Variants in ADCY2 observed in about 807,000 individuals in gnomAD.
The protein encoded by ADCY2 is adenylate cyclase type 2.
ADCY2 carries 31 observed loss-of-function variants against 125.2 expected under a neutral mutation model. That is an observed-to-expected ratio of 0.25 (90% CI 0.19 to 0.33). The LOEUF (loss-of-function observed/expected upper bound fraction) is 0.33. Among genes scored for constraint, ADCY2 ranks in the 10% least tolerant of loss-of-function variants. The probability of loss-of-function intolerance (pLI) is 1.00; values close to 1 mark genes in which losing one functional copy is unlikely to be tolerated. For missense variants in ADCY2, 904 were observed against 1,418.2 expected (o/e 0.64, Z 5.82); for synonymous variants, 512 against 548.4 (o/e 0.93, Z 0.93).
intron 16 of ADCY2, among the ~76,000 whole-genome samples, chr5:7,766,430 G>A (rs921085396): frequency 6.6e-6 from 1 of 152,194 alleles, no homozygotes; most frequent in South Asian, 2.1e-4. Flanking sequence ...TCTGCCCAGA[G>A]CTTTGTGTAC....
intron 14 of ADCY2, among the ~76,000 whole-genome samples, chr5:7,736,776 T>G (rs1742262484): frequency 6.6e-6 from 1 of 152,148 alleles, no homozygotes; most frequent in South Asian, 2.1e-4. Flanking sequence ...TATAATTCAT[T>G]GTAGTACAAG....
intron 22 of ADCY2, among the ~76,000 whole-genome samples, chr5:7,804,934 C>A (rs1396824585): frequency 1.3e-5 from 2 of 152,074 alleles, no homozygotes; most frequent in South Asian, 4.1e-4. Flanking sequence ...CTGCTTGTTA[C>A]CAGATAAATA....
At chr5:7,469,690 GT>G (rs1471206239) in intron 2 of ADCY2, among the ~76,000 whole-genome samples, 2 of 151,354 alleles carry the variant, frequency 1.3e-5, no homozygotes, top group Admixed American at 6.6e-5. Flanking sequence ...TTTTTTGCCT[GT>G]TCATTCTAGT....
intron 2 of ADCY2, among the ~76,000 whole-genome samples, chr5:7,475,165 G>A (rs1359533234): frequency 6.6e-6 from 1 of 152,206 alleles, no homozygotes; most frequent in Non-Finnish European, 1.5e-5. Context: ...TAGGTGAAGT[G>A]CGGAGAGTGG....
intron 24 of ADCY2, among the ~76,000 whole-genome samples, chr5:7,824,400 G>A (rs1003257232): frequency 6.6e-6 from 1 of 152,104 alleles, no homozygotes; most frequent in Non-Finnish European, 1.5e-5. Context: ...GAACACCAGT[G>A]GATAGTTTTA....
At chr5:7,610,772 A>T (rs1737550070) in intron 3 of ADCY2, among the ~76,000 whole-genome samples, 1 of 152,188 alleles carries the variant, frequency 6.6e-6, no homozygotes, top group Non-Finnish European at 1.5e-5. Context: ...GAGACAATTG[A>T]TAGAGTGATG....
At chr5:7,589,458 A>AGAAAGAAAGAAAGAAAGAAAG (rs1554022168) in intron 3 of ADCY2, among the ~76,000 whole-genome samples, 15 of 73,008 alleles carry the variant, frequency 2.1e-4, no homozygotes, top group African/African-American at 7.6e-4. Context: ...GAAGGAAAGA[A>AGAAAGAAAGAAAGAAAGAAAG]AAAGAAAGAA....
intron 22 of ADCY2, among the ~76,000 whole-genome samples, chr5:7,805,389 G>T (rs1328086059): frequency 6.6e-6 from 1 of 152,096 alleles, no homozygotes; most frequent in African/African-American, 2.4e-5. Flanking sequence ...CATTGAAAAG[G>T]TCATTTGGGC....
chr5:7,611,924 G>C (rs1737581891), intron 3 of ADCY2, among the ~76,000 whole-genome samples: 1 of 152,174 alleles, frequency 6.6e-6, no homozygotes, highest in South Asian at 2.1e-4. Flanking sequence ...TCAAATTAAT[G>C]TGGCAGAAAT....
chr5:7,544,305 C>T (rs567508246), intron 3 of ADCY2, among the ~76,000 whole-genome samples: 18 of 152,286 alleles, frequency 1.2e-4, no homozygotes, highest in East Asian at 1.9e-4. Context: ...CAGTGTTGGA[C>T]GCCAGAAATA....
At chr5:7,636,868 G>A (rs1738524565) in intron 4 of ADCY2, among the ~76,000 whole-genome samples, 1 of 152,142 alleles carries the variant, frequency 6.6e-6, no homozygotes. Context: ...AAGTGACTGA[G>A]GTTAGGTGAA....
intron 18 of ADCY2, among the ~76,000 whole-genome samples, chr5:7,783,002 C>A (rs910546003): frequency 6.6e-6 from 1 of 152,040 alleles, no homozygotes; most frequent in East Asian, 1.9e-4. Context: ...CCTCCAGCTG[C>A]GGCAGGTTTG....
At chr5:7,804,776 G>GC (rs1179475534) in intron 22 of ADCY2, 84 bp downstream of exon 22, 5 of 963,138 alleles carry the variant, frequency 5.2e-6, no homozygotes, top group Non-Finnish European at 6.7e-6. Context: ...GCCATGAAAT[G>GC]CCCCAAGAAC....
chr5:7,745,630 G>T (rs1031605220), intron 15 of ADCY2, among the ~76,000 whole-genome samples: 3 of 152,118 alleles, frequency 2.0e-5, no homozygotes, highest in African/African-American at 4.8e-5. Flanking sequence ...AGGCACACAG[G>T]CTCCCCTGCT....
intron 3 of ADCY2, among the ~76,000 whole-genome samples, chr5:7,621,885 T>C (rs914054809): frequency 2.0e-5 from 3 of 152,150 alleles, no homozygotes; most frequent in Admixed American, 2.0e-4. Flanking sequence ...GTGGGCACGG[T>C]TCCACTTACA....
intron 2 of ADCY2, among the ~76,000 whole-genome samples, chr5:7,505,251 T>C (rs1446843780): frequency 6.6e-6 from 1 of 152,232 alleles, no homozygotes. Context: ...ATGATAGCAG[T>C]GATTGAATCT....
At chr5:7,740,694 C>T (rs954095389) in intron 14 of ADCY2, among the ~76,000 whole-genome samples, 18 of 151,958 alleles carry the variant, frequency 1.2e-4, no homozygotes, top group African/African-American at 3.9e-4. Flanking sequence ...ATTTAAAATT[C>T]AGACTTCTGA....
chr5:7,784,301 C>T, intron 18 of ADCY2, 64 bp from the exon 19 acceptor site: 2 of 1,169,158 alleles, frequency 1.7e-6, no homozygotes, highest in Non-Finnish European at 2.6e-6. Flanking sequence ...TATTCAAATT[C>T]TAAGTCCTGT....
At chr5:7,573,555 G>GA (rs1404264577) in intron 3 of ADCY2, among the ~76,000 whole-genome samples, 1 of 147,822 alleles carries the variant, frequency 6.8e-6, no homozygotes, top group African/African-American at 2.5e-5. Context: ...AAAAAACTGG[G>GA]AAAACATTTG....
Sources: allele counts gnomAD v4.1 joint callset (sites outside exome capture counted in the v4.1 genomes callset), GRCh38; gene constraint gnomAD v4.1.1; transcripts MANE v1.5; gene names NCBI Gene and HGNC (gene_info 2026-07-23, HGNC 2026-07-21).